APBB2: variants seen among roughly 807,000 people sequenced by gnomAD.
APBB2 encodes the protein amyloid beta precursor protein binding family B member 2, also known as Fe65-like 1.
A neutral mutation model predicts 82.5 loss-of-function variants in APBB2; 38 were observed. That is an observed-to-expected ratio of 0.46 (90% CI 0.36 to 0.60). The LOEUF is 0.60. Among genes scored for constraint, APBB2 ranks in the 20% least tolerant of loss-of-function variants. The pLI is 0.00. For synonymous variants in APBB2, 341 were observed against 368.2 expected, an observed-to-expected ratio of 0.93 and a Z score of 0.85; for missense variants, 772 against 972.3, an observed-to-expected ratio of 0.79 and a Z score of 2.74.
At chr4:40,969,023 T>A (rs925525649) in intron 6 of APBB2, among the ~76,000 whole-genome samples, 2 of 152,244 alleles carry the variant, frequency 1.3e-5, no homozygotes, top group African/African-American at 2.4e-5. Context: ...CCTGCTGTCA[T>A]GTAAGACGTG....
chr4:41,011,519 C>T (rs1226442652), intron 6 of APBB2, among the ~76,000 whole-genome samples: 3 of 152,130 alleles, frequency 2.0e-5, no homozygotes, highest in Non-Finnish European at 4.4e-5. Flanking sequence ...CAACTTCCGC[C>T]TCATAGGTTC....
Position 40,886,087 on chromosome 4 carries a change from C to T in APBB2, c.1529+4277G>A, listed in dbSNP as rs373266606. Reference sequence around the variant, plus strand: ...ATGAGCAGACTATAGGGCTCATTGGCGAAGTACACAAGGATCTCTGTGCCC... The same window carrying T: ...ATGAGCAGACTATAGGGCTCATTGGTGAAGTACACAAGGATCTCTGTGCCC... On this transcript the variant is annotated intron_variant, in intron 12 of 17. Transcript: ENST00000508593. Among the ~76,000 whole-genome samples the T allele has an allele frequency of 1.2e-4, 18 of 152,284 alleles. No homozygotes were observed. In the South Asian group the frequency reaches 3.5e-3, roughly 30 times the overall value.
At chr4:41,021,550 C>T (rs1428834031) in intron 5 of APBB2, among the ~76,000 whole-genome samples, 2 of 152,178 alleles carry the variant, frequency 1.3e-5, no homozygotes, top group African/African-American at 4.8e-5. Context: ...AATCAGCACT[C>T]TGTAAAAACG....
At chr4:40,870,880 A>C (rs915208083) in intron 12 of APBB2, among the ~76,000 whole-genome samples, 1 of 151,804 alleles carries the variant, frequency 6.6e-6, no homozygotes, top group Admixed American at 6.6e-5. Flanking sequence ...TAACAGGTGC[A>C]TGACACCACA....
chr4:41,049,011 T>C (rs1724571897), intron 4 of APBB2, among the ~76,000 whole-genome samples: 1 of 152,072 alleles, frequency 6.6e-6, no homozygotes. Flanking sequence ...CTCGGCTAGC[T>C]ACAACATCCA....
intron 4 of APBB2, among the ~76,000 whole-genome samples, chr4:41,043,385 C>T (rs939915019): frequency 6.7e-6 from 1 of 148,778 alleles, no homozygotes; most frequent in African/African-American, 2.6e-5. Context: ...ATGAAAAAAA[C>T]TAACTGTAAA....
intron 4 of APBB2, among the ~76,000 whole-genome samples, chr4:41,047,471 A>G (rs1468137206): frequency 6.6e-6 from 1 of 152,252 alleles, no homozygotes; most frequent in Non-Finnish European, 1.5e-5. Flanking sequence ...GCTCCAGGTA[A>G]TATTAAGTAT....
chr4:41,156,654 C>T (rs1763524099), intron 1 of APBB2, among the ~76,000 whole-genome samples: 1 of 152,162 alleles, frequency 6.6e-6, no homozygotes, highest in Non-Finnish European at 1.5e-5. Flanking sequence ...CAAAGTATTA[C>T]GGAAAGTTCA....
chr4:41,068,305 T>C (rs1456730678), intron 3 of APBB2, among the ~76,000 whole-genome samples: 2 of 152,200 alleles, frequency 1.3e-5, no homozygotes, highest in Non-Finnish European at 2.9e-5. Context: ...ACTATCTTAG[T>C]GTACTGTACT....
At chr4:41,184,518 T>C (rs1481559120) in intron 1 of APBB2, among the ~76,000 whole-genome samples, 1 of 152,164 alleles carries the variant, frequency 6.6e-6, no homozygotes, top group Non-Finnish European at 1.5e-5. Context: ...CCTTAATTCC[T>C]TTAGACCTCT....
intron 10 of APBB2, among the ~76,000 whole-genome samples, chr4:40,924,010 G>A (rs1781986612): frequency 6.6e-6 from 1 of 152,260 alleles, no homozygotes; most frequent in Non-Finnish European, 1.5e-5. Flanking sequence ...ATGGCAGTGA[G>A]TGTCTGCACC....
At chr4:40,883,389 C>T (rs1769255192) in intron 12 of APBB2, among the ~76,000 whole-genome samples, 3 of 152,078 alleles carry the variant, frequency 2.0e-5, no homozygotes, top group African/African-American at 7.2e-5. Flanking sequence ...CAGTTCAAGA[C>T]CAGCCTGACC....
chr4:41,041,428 A>C (rs1424351322), intron 4 of APBB2, among the ~76,000 whole-genome samples: 1 of 152,214 alleles, frequency 6.6e-6, no homozygotes, highest in Non-Finnish European at 1.5e-5. Context: ...AAGTGTACAC[A>C]CTGAATTGGC....
intron 1 of APBB2, among the ~76,000 whole-genome samples, chr4:41,160,032 G>GAAGAAGAAGAAGAAC (rs1764712547): frequency 6.8e-6 from 1 of 146,122 alleles, no homozygotes; most frequent in Non-Finnish European, 1.5e-5. Flanking sequence ...AGAAGAAGAA[G>GAAGAAGAAGAAGAAC]AAGAAAACAT....
chr4:40,957,390 A>C (rs921798659), intron 6 of APBB2, among the ~76,000 whole-genome samples: 1 of 152,132 alleles, frequency 6.6e-6, no homozygotes, highest in African/African-American at 2.4e-5. Flanking sequence ...CCCACATGTC[A>C]ATTTAGAAAT....
intron 2 of APBB2, among the ~76,000 whole-genome samples, chr4:41,128,607 TATTC>T (rs1755086394): frequency 6.6e-6 from 1 of 152,240 alleles, no homozygotes; most frequent in East Asian, 1.9e-4. Context: ...TCAACTACGT[TATTC>T]ATTAATTCCA....
chr4:40,994,316 C>G (rs1447166518), intron 6 of APBB2, among the ~76,000 whole-genome samples: 8 of 151,134 alleles, frequency 5.3e-5, no homozygotes, highest in African/African-American at 1.9e-4. Context: ...CCTAGGAGTT[C>G]TGATGCAGAC....
At chr4:40,986,015 G>C (rs1161472160) in intron 6 of APBB2, among the ~76,000 whole-genome samples, 1 of 152,114 alleles carries the variant, frequency 6.6e-6, no homozygotes, top group African/African-American at 2.4e-5. Context: ...TTTTGTAAGG[G>C]CTCCTAGTTC....
At chr4:40,893,803 G>A (rs998828104) in intron 10 of APBB2, among the ~76,000 whole-genome samples, 4 of 151,788 alleles carry the variant, frequency 2.6e-5, no homozygotes, top group Admixed American at 6.6e-5. Flanking sequence ...GCGAAACCCC[G>A]TCTCTACTAA....
Sources: allele counts gnomAD v4.1 joint callset (sites outside exome capture counted in the v4.1 genomes callset), GRCh38; gene constraint gnomAD v4.1.1; transcripts MANE v1.5; gene names NCBI Gene and HGNC (gene_info 2026-07-23, HGNC 2026-07-21).